Variants in TBC1D5 observed in about 807,000 individuals in gnomAD.
TBC1D5 encodes the protein TBC1 domain family member 5.
Under a neutral mutation model 100.3 loss-of-function variants are expected in TBC1D5, and 75 were observed. The observed-to-expected ratio is 0.75, with a 90% CI of 0.62 to 0.91. The LOEUF (loss-of-function observed/expected upper bound fraction) is 0.91. TBC1D5 is among the 40% of genes least tolerant of loss of function. The probability of loss-of-function intolerance (pLI) is 0.00; values close to 1 mark genes in which losing one functional copy is unlikely to be tolerated. For synonymous variants in TBC1D5, 323 were observed against 325.6 expected, an observed-to-expected ratio of 0.99 and a Z score of 0.09; for missense variants, 910 against 942.4, an observed-to-expected ratio of 0.97 and a Z score of 0.45.
chr3:17,563,532 G>A (rs887092645), intron 2 of TBC1D5, among the ~76,000 whole-genome samples: 7 of 152,302 alleles, frequency 4.6e-5, no homozygotes, highest in African/African-American at 1.7e-4. Flanking sequence ...GTCTGAAAAT[G>A]TCACCTGGAA....
chr3:17,549,202 G>A (rs2096449618), intron 2 of TBC1D5, among the ~76,000 whole-genome samples: 1 of 152,202 alleles, frequency 6.6e-6, no homozygotes, highest in Admixed American at 6.5e-5. Flanking sequence ...TTGGGAGGCT[G>A]AGGCAACAGA....
At chr3:17,187,079 A>C (rs866852329) in intron 18 of TBC1D5, among the ~76,000 whole-genome samples, 11 of 152,110 alleles carry the variant, frequency 7.2e-5, no homozygotes, top group Admixed American at 2.6e-4. Flanking sequence ...TATCACAGGA[A>C]ACTGTAGGAA....
At chr3:17,423,239 T>G (rs1157840912) in intron 4 of TBC1D5, among the ~76,000 whole-genome samples, 1 of 152,110 alleles carries the variant, frequency 6.6e-6, no homozygotes, top group Non-Finnish European at 1.5e-5. Flanking sequence ...CCTTTATTTC[T>G]TCAATAAAAG....
chr3:17,305,558 T>G (rs2083315296), intron 14 of TBC1D5, among the ~76,000 whole-genome samples: 1 of 152,194 alleles, frequency 6.6e-6, no homozygotes, highest in Non-Finnish European at 1.5e-5. Flanking sequence ...ATCTGTAGCC[T>G]TGACACTGAC....
chr3:17,662,342 C>T (rs1245353837), intron 1 of TBC1D5, among the ~76,000 whole-genome samples: 1 of 152,172 alleles, frequency 6.6e-6, no homozygotes, highest in African/African-American at 2.4e-5. Flanking sequence ...ATTTTCATGG[C>T]TAGAAGTTGT....
At chr3:17,280,655 C>T (rs2080481913) in intron 15 of TBC1D5, among the ~76,000 whole-genome samples, 1 of 152,192 alleles carries the variant, frequency 6.6e-6, no homozygotes, top group South Asian at 2.1e-4. Context: ...CCATCCCCTT[C>T]TCAGCTCCCC....
chr3:17,427,814 T>C (rs1163169446), intron 4 of TBC1D5, among the ~76,000 whole-genome samples: 6 of 151,956 alleles, frequency 3.9e-5, no homozygotes, highest in Non-Finnish European at 8.8e-5. Context: ...TTAATCTTTC[T>C]TACTCCTGAG....
In TBC1D5 at chr3:17,693,388, G is replaced by A. The variant is rs540449256; in HGVS notation, c.-101+45955C>T. Reference sequence around the variant, plus strand: ...CGTAACACTCCCACCCAAAAACTGCGCTTTGCTCAAGGTCTTAACAACCGG... The same window carrying A: ...CGTAACACTCCCACCCAAAAACTGCACTTTGCTCAAGGTCTTAACAACCGG... On this transcript the variant is annotated intron_variant, in intron 1 of 21. Transcript: ENST00000253692. Among the ~76,000 whole-genome samples the A allele has an allele frequency of 3.0e-4, 46 of 152,260 alleles. No homozygotes were observed. In the South Asian group the frequency reaches 7.9e-3, roughly 26 times the overall value.
At chr3:17,281,033 G>A (rs1291329505) in intron 15 of TBC1D5, among the ~76,000 whole-genome samples, 2 of 152,232 alleles carry the variant, frequency 1.3e-5, no homozygotes, top group African/African-American at 4.8e-5. Context: ...ACAGGTTCAA[G>A]TGAGTGGAGT....
At chr3:17,406,667 G>A in intron 4 of TBC1D5, 141 bp from the exon 5 acceptor site, 1 of 639,768 alleles carries the variant, frequency 1.6e-6, no homozygotes, top group Non-Finnish European at 2.6e-6. Flanking sequence ...TACTGTTTCT[G>A]AACGCATGGC....
intron 2 of TBC1D5, among the ~76,000 whole-genome samples, chr3:17,606,506 A>G (rs1014704150): frequency 1.3e-5 from 2 of 152,204 alleles, no homozygotes; most frequent in African/African-American, 4.8e-5. Flanking sequence ...TAATATATAT[A>G]AAGCAAGAAT....
At chr3:17,430,282 C>T (rs1429200018) in intron 3 of TBC1D5, among the ~76,000 whole-genome samples, 4 of 151,530 alleles carry the variant, frequency 2.6e-5, no homozygotes, top group Non-Finnish European at 5.9e-5. Context: ...GCTTCTTTCT[C>T]GTTAAAACTA....
At chr3:17,424,757 T>C (rs1182111592) in intron 4 of TBC1D5, among the ~76,000 whole-genome samples, 2 of 151,798 alleles carry the variant, frequency 1.3e-5, no homozygotes, top group South Asian at 2.1e-4. Flanking sequence ...AAAGAAGATA[T>C]AAATCCAAAG....
At chr3:17,494,957 A>G (rs1254669901) in intron 3 of TBC1D5, among the ~76,000 whole-genome samples, 1 of 152,114 alleles carries the variant, frequency 6.6e-6, no homozygotes, top group African/African-American at 2.4e-5. Flanking sequence ...TGAAAAATAC[A>G]CGATTTCCCA....
chr3:17,603,072 G>A (rs2061088888), intron 2 of TBC1D5, among the ~76,000 whole-genome samples: 1 of 151,586 alleles, frequency 6.6e-6, no homozygotes, highest in African/African-American at 2.4e-5. Flanking sequence ...AGAAAATTCA[G>A]ATCTGTGGAC....
intron 15 of TBC1D5, among the ~76,000 whole-genome samples, chr3:17,259,184 C>A (rs986009431): frequency 6.6e-6 from 1 of 152,104 alleles, no homozygotes; most frequent in Admixed American, 6.5e-5. Context: ...ACCAGGATAA[C>A]CATTACTATA....
intron 14 of TBC1D5, among the ~76,000 whole-genome samples, chr3:17,293,277 T>C (rs984399095): frequency 1.3e-5 from 2 of 152,222 alleles, no homozygotes; most frequent in Admixed American, 1.3e-4. Flanking sequence ...GCTAAGATAC[T>C]GAGAACAGTA....
At chr3:17,560,766 C>G (rs1485636445) in intron 2 of TBC1D5, among the ~76,000 whole-genome samples, 1 of 151,330 alleles carries the variant, frequency 6.6e-6, no homozygotes, top group Non-Finnish European at 1.5e-5. Flanking sequence ...ACTAAAAATA[C>G]AAAAATTAGC....
chr3:17,205,021 C>T (rs1410353379), intron 18 of TBC1D5, among the ~76,000 whole-genome samples: 3 of 152,132 alleles, frequency 2.0e-5, no homozygotes, highest in Admixed American at 6.5e-5. Context: ...TACAAAACAT[C>T]GAATGACTAA....
Sources: gnomAD v4.1 joint callset for allele counts (sites outside exome capture counted in the v4.1 genomes callset) on GRCh38, gnomAD v4.1.1 for gene constraint, MANE v1.5 for transcripts, NCBI Gene and HGNC (gene_info 2026-07-23, HGNC 2026-07-21) for gene names.